Variants in TDRD7 observed in about 807,000 individuals in gnomAD.
TDRD7 encodes tudor domain-containing protein 7.
Under a neutral mutation model 109.8 loss-of-function variants are expected in TDRD7, and 47 were observed. That is an observed-to-expected ratio of 0.43 (90% CI 0.34 to 0.55). The LOEUF (loss-of-function observed/expected upper bound fraction) is 0.55. TDRD7 is among the 20% of genes least tolerant of loss of function. The pLI, the probability that TDRD7 is intolerant of heterozygous loss-of-function variation, is 0.03. For missense variants in TDRD7, 1,164 were observed against 1,319.2 expected (o/e 0.88, Z 1.82); for synonymous variants, 424 against 457.3 (o/e 0.93, Z 0.93).
At chr9:97,454,429 C>T (rs564151113) in intron 6 of TDRD7, among the ~76,000 whole-genome samples, 8 of 152,174 alleles carry the variant, frequency 5.3e-5, no homozygotes, top group Admixed American at 4.6e-4. Context: ...TGCAGTGAGC[C>T]GAGATCGTGC....
intron 8 of TDRD7, among the ~76,000 whole-genome samples, chr9:97,466,236 AGGGAT>A (rs1271715480): frequency 6.6e-6 from 1 of 152,186 alleles, no homozygotes; most frequent in Non-Finnish European, 1.5e-5. Context: ...GAGGTCAGAA[AGGGAT>A]ACTGCTGTTT....
intron 6 of TDRD7, among the ~76,000 whole-genome samples, chr9:97,447,105 G>A (rs1045834340): frequency 6.6e-6 from 1 of 152,082 alleles, no homozygotes; most frequent in African/African-American, 2.4e-5. Context: ...TTCGGTGAAC[G>A]TCTGAGTAGA....
At position 97,482,883 on chromosome 9, in the gene TDRD7, A is replaced by G; in HGVS notation, c.2447A>G (p.His816Arg). ...TKVDETRGIA[H>R]VYLFTPKNFP... ...GTGGATGAAACCAGAGGGATCGCAC[A>G]TGTTTATTTATTTACCCCTAAGAAC... The change falls in exon 15 of 17, where the codon CAT becomes CGT. Residue 816 changes from histidine (H) to arginine (R), a missense_variant. His to Arg is a conservative substitution (Grantham distance 29, BLOSUM62 0). Around this residue, in one of 5 missense-constraint regions of TDRD7, gnomAD observed 233 missense variants for 218.0 expected, o/e 1.07. Transcript: ENST00000355295. The G allele has an allele frequency of 1.2e-6, 2 of 1,614,168 alleles. No individual in the cohort carries two copies. Among genetic ancestry groups the G allele is most frequent in the Non-Finnish European group, 1.7e-6 (2 of 1,179,984 alleles).
chr9:97,482,804 A>T, intron 14 of TDRD7, 45 bp from the exon 15 acceptor site: 1 of 1,603,974 alleles, frequency 6.2e-7, no homozygotes. Context: ...CTCAAAATTT[A>T]ATGTGAACTT....
At chr9:97,476,445 G>T (rs1007574553) in intron 12 of TDRD7, among the ~76,000 whole-genome samples, 7 of 151,638 alleles carry the variant, frequency 4.6e-5, no homozygotes, top group South Asian at 2.1e-4. Flanking sequence ...CTAGTTTGAG[G>T]TGGCACACAC....
At chr9:97,419,465 G>A (rs1275707496) in intron 1 of TDRD7, among the ~76,000 whole-genome samples, 1 of 152,198 alleles carries the variant, frequency 6.6e-6, no homozygotes, top group Non-Finnish European at 1.5e-5. Context: ...TATTTTCCGT[G>A]TCATCAGTTT....
intron 7 of TDRD7, among the ~76,000 whole-genome samples, chr9:97,461,913 AT>A (rs1345271420): frequency 6.6e-6 from 1 of 152,252 alleles, no homozygotes; most frequent in African/African-American, 2.4e-5. Flanking sequence ...GAGCTCAAAA[AT>A]TTAAAGCTCT....
rs1377515924 is a variant in TDRD7, at chr9:97,412,222, T to C, written c.-23T>C. The C allele has an allele frequency of 6.6e-6, 1 of 152,072 alleles. No individual in the cohort carries two copies. Among genetic ancestry groups the C allele is most frequent in the Non-Finnish European group, 1.5e-5 (1 of 68,054 alleles). 9.4% of individuals were successfully genotyped at this position (152,072 alleles called of 1,614,324 possible). ...GGCCCAGAGACGCGGGGACGGGCCG[T>C]GGGCCCCCGGAACGAGGTGAGTGCA... is the stretch of plus-strand genomic sequence containing the variant. On this transcript the variant is annotated 5_prime_UTR_variant, in exon 1 of 17. Coordinates refer to ENST00000355295, the MANE Select transcript of TDRD7 (RefSeq NM_014290.3). This position sits in a 1 kb window ranked among gnomAD's most constrained non-coding sequence, Gnocchi z 4.3.
intron 3 of TDRD7, among the ~76,000 whole-genome samples, chr9:97,431,817 A>T (rs987921088): frequency 1.3e-5 from 2 of 152,192 alleles, no homozygotes; most frequent in Admixed American, 1.3e-4. Context: ...GTTACTGGCC[A>T]GTCTGATGGA....
At chr9:97,495,619 C>A in intron 16 of TDRD7, 44 bp from the exon 17 acceptor site, 1 of 1,569,540 alleles carries the variant, frequency 6.4e-7, no homozygotes, top group South Asian at 1.1e-5. Context: ...AGAAAAGCTC[C>A]TTTGACTCCT....
At chr9:97,494,891 TG>T (rs908841615) in intron 16 of TDRD7, among the ~76,000 whole-genome samples, 48 of 151,856 alleles carry the variant, frequency 3.2e-4, no homozygotes, top group Non-Finnish European at 7.4e-5. Context: ...TTGTATTTTT[TG>T]TAGAGACAGG....
chr9:97,427,343 T>G (rs1330458169), intron 1 of TDRD7, among the ~76,000 whole-genome samples: 4 of 152,196 alleles, frequency 2.6e-5, no homozygotes, highest in Admixed American at 6.5e-5. Context: ...TGACTCTGCT[T>G]CTTTTTCTTC....
intron 1 of TDRD7, among the ~76,000 whole-genome samples, chr9:97,416,239 G>A (rs538489535): frequency 5.9e-5 from 9 of 152,168 alleles, no homozygotes; most frequent in African/African-American, 2.2e-4. Context: ...GGCAGGCAGG[G>A]GGAGGGAACT....
In TDRD7 at chr9:97,451,887, C is replaced by T. The variant is rs75758372; in HGVS notation, c.856-8291C>T. Among the ~76,000 whole-genome samples, 1,253 of 152,138 alleles carry T rather than the reference C, an allele frequency of 8.2e-3. 43 individuals are homozygous for T. In the East Asian group the frequency reaches 0.11, roughly 13 times the overall value. Reference sequence around the variant, plus strand: ...GACTGAAGTGGGGAGACCCCCCCACCCATTTGGTCACACAAGTCTTCTGTG... The same window carrying T: ...GACTGAAGTGGGGAGACCCCCCCACTCATTTGGTCACACAAGTCTTCTGTG... On this transcript the variant is annotated intron_variant, in intron 6 of 16. Transcript: ENST00000355295.
intron 6 of TDRD7, among the ~76,000 whole-genome samples, chr9:97,458,111 AT>A (rs1245507762): frequency 3.3e-5 from 5 of 151,904 alleles, no homozygotes; most frequent in East Asian, 1.9e-4. Flanking sequence ...CATGTATCCC[AT>A]TTTTTTTAGA....
intron 4 of TDRD7, among the ~76,000 whole-genome samples, chr9:97,435,466 C>T (rs1435263202): frequency 9.1e-6 from 1 of 109,362 alleles, no homozygotes; most frequent in Non-Finnish European, 1.9e-5. Context: ...CTCATCTCTA[C>T]TAAAAAAAAA....
At chr9:97,473,417 G>A (rs1315685006) in intron 10 of TDRD7, 75 bp from the exon 11 acceptor site, 2 of 1,593,778 alleles carry the variant, frequency 1.3e-6, no homozygotes, top group Non-Finnish European at 1.7e-6. Context: ...GGGATGTTTA[G>A]GTAGATACCC....
At chr9:97,480,497 T>C in intron 13 of TDRD7, 1 of 304,378 alleles carries the variant, frequency 3.3e-6, no homozygotes, top group South Asian at 3.6e-5. Flanking sequence ...CTTTGCAACT[T>C]TGGTATCTTA....
chr9:97,456,274 T>C (rs1220972906), intron 6 of TDRD7, among the ~76,000 whole-genome samples: 1 of 152,220 alleles, frequency 6.6e-6, no homozygotes, highest in Non-Finnish European at 1.5e-5. Flanking sequence ...GATTAAATGC[T>C]ATTCTCATCA....
Sources: gnomAD v4.1 joint callset for allele counts (sites outside exome capture counted in the v4.1 genomes callset) on GRCh38, gnomAD v4.1.1 for gene constraint, gnomAD v4.1.1 regional missense constraint, Gnocchi (gnomAD v3.1) non-coding constraint, MANE v1.5 for transcripts, NCBI Gene and HGNC (gene_info 2026-07-23, HGNC 2026-07-21) for gene names.